The following SYNJ2 variants were observed in gnomAD, a reference collection of about 807,000 sequenced individuals.
The protein encoded by SYNJ2 is polyphosphatidylinositol phosphatase SYNJ2.
A neutral mutation model predicts 141.3 loss-of-function variants in SYNJ2; 116 were observed. That is an observed-to-expected ratio of 0.82 (90% CI 0.71 to 0.96). The LOEUF (loss-of-function observed/expected upper bound fraction) is 0.96, where lower values mean the gene tolerates loss of function less well. Among genes scored for constraint, SYNJ2 ranks in the 40% least tolerant of loss-of-function variants. The probability of loss-of-function intolerance (pLI) is 0.00; values close to 1 mark genes in which losing one functional copy is unlikely to be tolerated. For synonymous variants in SYNJ2, 745 were observed against 777.7 expected (o/e 0.96, Z 0.70); for missense variants, 1,873 against 1,934.8 (o/e 0.97, Z 0.60).
chr6:158,069,783 G>A lies in SYNJ2; in HGVS notation c.1940+110G>A, dbSNP rs1458932479. The A allele has an allele frequency of 3.8e-6, 5 of 1,315,796 alleles. No individual in the cohort carries two copies. In the African/African-American group the frequency reaches 7.4e-5, roughly 19 times the overall value. The allele number at this position is 1,315,796 out of a possible 1,614,324, so 81.5% of individuals were successfully genotyped here. A position where few individuals can be genotyped will look rare whatever the true frequency, so the allele number is the denominator to read the frequency against. On this transcript the variant is annotated intron_variant, in intron 14 of 26. Coordinates refer to ENST00000355585, the MANE Select transcript of SYNJ2 (RefSeq NM_003898.4). Reference sequence around the variant, plus strand: ...CATCCCCTTCTGTAACAGGAATCGGGACTTACCATTATTTTAGATAAATGT... The same window carrying A: ...CATCCCCTTCTGTAACAGGAATCGGAACTTACCATTATTTTAGATAAATGT...
chr6:158,071,576 G>A lies in SYNJ2; in HGVS notation c.1941-26G>A, dbSNP rs746834874. 1.4e-5 allele frequency: 22 copies of A among 1,603,040 alleles called. No individual in the cohort carries two copies. The highest frequency in any genetic ancestry group is 6.7e-5 in the East Asian group (3 of 44,784). On this transcript the variant is annotated intron_variant, in intron 14 of 26. Transcript: ENST00000355585. This position sits in a 1 kb window ranked among gnomAD's most constrained non-coding sequence, Gnocchi z 4.3. ...TCACACTTCTCCTTCAGGAGCCGAC[G>A]GCATGCGCGTATCCTTCTGTTCCAG...
chr6:158,096,055 C>T lies in SYNJ2; in HGVS notation c.4182C>T (p.Ser1394=), dbSNP rs202007174. 79 of 1,614,224 alleles carry T rather than the reference C, an allele frequency of 4.9e-5. No homozygotes were observed. In the African/African-American group the frequency reaches 9.3e-4, roughly 19 times the overall value. ...LSTSSATSPD[S]DGTKAMKPEA... Reference sequence around the variant, plus strand: ...CTTCATCTGCTACAAGCCCCGACAGCGATGGCACCAAAGCGATGAAGCCAG... The same window carrying T: ...CTTCATCTGCTACAAGCCCCGACAGTGATGGCACCAAAGCGATGAAGCCAG... Residue 1394 remains serine (S), a synonymous_variant, in exon 27 of 27, where the codon AGC becomes AGT. Coordinates refer to ENST00000355585, the MANE Select transcript of SYNJ2 (RefSeq NM_003898.4).
At chr6:158,078,083 T>C in intron 17 of SYNJ2, 81 bp from the exon 18 acceptor site, 1 of 913,914 alleles carries the variant, frequency 1.1e-6, no homozygotes, top group Non-Finnish European at 1.8e-6. Context: ...CGCAGACCTC[T>C]ATTGTGGAAG....
chr6:158,087,024 C>A, intron 23 of SYNJ2, 35 bp downstream of exon 23: 1 of 1,579,334 alleles, frequency 6.3e-7, no homozygotes, highest in Non-Finnish European at 8.6e-7. Context: ...CCCTGGATGC[C>A]TGCCAGGAAT....
intron 6 of SYNJ2, 56 bp downstream of exon 6, chr6:158,055,084 T>C (rs1437421155): frequency 1.3e-6 from 2 of 1,590,492 alleles, no homozygotes; most frequent in African/African-American, 2.7e-5. Flanking sequence ...GACATCGTCC[T>C]CCCATCAGAC....
chr6:157,997,849 C>G (rs759802115), intron 1 of SYNJ2, among the ~76,000 whole-genome samples: 12 of 152,234 alleles, frequency 7.9e-5, no homozygotes, highest in African/African-American at 2.7e-4. Flanking sequence ...CCCTAACCAT[C>G]GTGGAGGCTG....
At chr6:158,010,040 C>A (rs1778208315) in intron 1 of SYNJ2, among the ~76,000 whole-genome samples, 1 of 152,212 alleles carries the variant, frequency 6.6e-6, no homozygotes, top group Non-Finnish European at 1.5e-5. Context: ...TCTCAGCCTC[C>A]CAAGTAGCTG....
At position 158,062,165 on chromosome 6, in the gene SYNJ2, G is replaced by T; in HGVS notation, c.1127+1G>T. The T allele has an allele frequency of 6.2e-7, 1 of 1,612,822 alleles. No individual in the cohort carries two copies. Among genetic ancestry groups the T allele is most frequent in the Non-Finnish European group, 8.5e-7 (1 of 1,179,532 alleles). On this transcript the variant is annotated splice_donor_variant, in intron 8 of 26. Coordinates refer to ENST00000355585, the MANE Select transcript of SYNJ2 (RefSeq NM_003898.4). LOFTEE classifies it high-confidence loss of function. Reference sequence around the variant, plus strand: ...CAAAGGGGGAGAACGTCAGTCCACGGTGAGGCTCGCTGCGCACTGTGCCGC... The same window carrying T: ...CAAAGGGGGAGAACGTCAGTCCACGTTGAGGCTCGCTGCGCACTGTGCCGC...
At position 158,091,045 on chromosome 6, in the gene SYNJ2, C is replaced by T. The variant is rs1016445298; in HGVS notation, c.3565+1098C>T. On this transcript the variant is annotated intron_variant, in intron 25 of 26. Transcript: ENST00000355585. Reference sequence around the variant, plus strand: ...AAAATAACTAAAACTAGGCCGGGCGCGGTGGCTCACGCCTGTAATCCCAGC... The same window carrying T: ...AAAATAACTAAAACTAGGCCGGGCGTGGTGGCTCACGCCTGTAATCCCAGC... 1.3e-4 allele frequency among the ~76,000 whole-genome samples: 19 copies of T among 151,718 alleles called. 1 individual carries two copies. The highest frequency in any genetic ancestry group is 4.2e-4 in the South Asian group (2 of 4,722).
At chr6:158,046,432 T>G (rs2128347656) in intron 5 of SYNJ2, among the ~76,000 whole-genome samples, 1 of 152,334 alleles carries the variant, frequency 6.6e-6, no homozygotes, top group African/African-American at 2.4e-5. Context: ...CGTCACCGGC[T>G]TCAACTGTCA....
chr6:158,039,054 C>T (rs948748225), intron 4 of SYNJ2, among the ~76,000 whole-genome samples: 3 of 152,214 alleles, frequency 2.0e-5, no homozygotes. Context: ...ACAGAGGCAG[C>T]AGGAGCAGAG....
At chr6:158,025,105 AG>A (rs1387498473) in intron 2 of SYNJ2, among the ~76,000 whole-genome samples, 1 of 152,218 alleles carries the variant, frequency 6.6e-6, no homozygotes, top group Non-Finnish European at 1.5e-5. Flanking sequence ...GGAGGCTGGA[AG>A]TCCGAGACCA....
At chr6:158,068,756 C>G (rs769655179) in intron 13 of SYNJ2, 28 bp downstream of exon 13, 1 of 1,611,992 alleles carries the variant, frequency 6.2e-7, no homozygotes. Flanking sequence ...CGGGGCCAGG[C>G]AGGGACTTCC....
In SYNJ2 at chr6:158,059,323, C is replaced by T. The variant is rs1221583304; in HGVS notation, c.924C>T (p.Gly308=). Residue 308 remains glycine (G), a synonymous_variant, in exon 7 of 27, where the codon GGC becomes GGT. Transcript: ENST00000355585. The part of the protein sequence containing the change: ...QVVVNLLGSR[G]GEEVLNRAFK... ...TCGTGAACCTTCTGGGAAGCAGAGG[C>T]GGAGAGGAGGTGCTCAACAGAGCCT... The T allele has an allele frequency of 2.6e-5, 40 of 1,550,640 alleles. No individual in the cohort carries two copies. Among genetic ancestry groups the T allele is most frequent in the South Asian group, 2.1e-4 (18 of 84,056 alleles).
intron 1 of SYNJ2, among the ~76,000 whole-genome samples, chr6:158,015,037 G>A (rs562639235): frequency 6.6e-6 from 1 of 152,336 alleles, no homozygotes; most frequent in South Asian, 2.1e-4. Context: ...GATCTTTTGA[G>A]TTGGGGTGTT....
chr6:157,992,866 C>CA (rs1777503003), intron 1 of SYNJ2, among the ~76,000 whole-genome samples: 1 of 152,146 alleles, frequency 6.6e-6, no homozygotes, highest in East Asian at 1.9e-4. Flanking sequence ...GAAGTTGCTT[C>CA]CAAATCTTGG....
chr6:158,014,294 A>C (rs935182625), intron 1 of SYNJ2, among the ~76,000 whole-genome samples: 1 of 152,228 alleles, frequency 6.6e-6, no homozygotes, highest in Admixed American at 6.5e-5. Context: ...TTTTCAACCT[A>C]TCCTGGGTTT....
chr6:158,066,329 T>C, intron 11 of SYNJ2, 115 bp from the exon 12 acceptor site: 1 of 1,209,484 alleles, frequency 8.3e-7, no homozygotes, highest in South Asian at 1.4e-5. Context: ...TACCCTGGTT[T>C]ATCTCTAGAG....
chr6:158,075,827 A>G (rs184571877), intron 16 of SYNJ2, among the ~76,000 whole-genome samples: 40 of 152,202 alleles, frequency 2.6e-4, no homozygotes, highest in Admixed American at 2.6e-3. Context: ...CCTACTACCA[A>G]CATTCTCACA....
Sources: gnomAD v4.1 joint callset for allele counts (sites outside exome capture counted in the v4.1 genomes callset) on GRCh38, gnomAD v4.1.1 for gene constraint, Gnocchi (gnomAD v3.1) non-coding constraint, MANE v1.5 for transcripts, NCBI Gene and HGNC (gene_info 2026-07-23, HGNC 2026-07-21) for gene names.